The following RIMS3 variants were observed in gnomAD, a reference collection of about 807,000 sequenced individuals.
RIMS3 encodes regulating synaptic membrane exocytosis protein 3.
A neutral mutation model predicts 29.2 loss-of-function variants in RIMS3; 15 were observed. The observed-to-expected ratio is 0.51, with a 90% CI of 0.34 to 0.79. The LOEUF is 0.79. RIMS3 is among the 30% of genes least tolerant of loss of function. The probability of loss-of-function intolerance (pLI) is 0.01; values close to 1 mark genes in which losing one functional copy is unlikely to be tolerated. For missense variants in RIMS3, 342 were observed against 421.4 expected (o/e 0.81, Z 1.65); for synonymous variants, 161 against 170.1 (o/e 0.95, Z 0.41).
chr1:40,651,523 G>A (rs1485881296), intron 1 of RIMS3, among the ~76,000 whole-genome samples: 2 of 152,286 alleles, frequency 1.3e-5, no homozygotes, highest in South Asian at 2.1e-4. Context: ...TGTTTGTGGC[G>A]CTTTATTGCA....
rs1646432671 is a variant in RIMS3 at position 40,623,104 on chromosome 1, G to A, written c.*3413C>T. ...AACCGGCAGTGATTCCACAGAGGAT[G>A]AGCTCTATGGGTGGCCTTTCTTGGA... is the stretch of plus-strand genomic sequence containing the variant. On this transcript the variant is annotated 3_prime_UTR_variant, in exon 8 of 8. Coordinates refer to ENST00000372684, the MANE Select transcript of RIMS3 (RefSeq NM_014747.3). 3.5e-6 allele frequency: 1 copy of A among 284,608 alleles called. No homozygotes were observed. Among genetic ancestry groups the A allele is most frequent in the Non-Finnish European group, 6.5e-6 (1 of 154,168 alleles). 17.6% of individuals were successfully genotyped at this position (284,608 alleles called of 1,614,324 possible). A position where few individuals can be genotyped will look rare whatever the true frequency, so the allele number is the denominator to read the frequency against.
intron 2 of RIMS3, 25 bp from the exon 3 acceptor site, chr1:40,641,981 G>A: frequency 2.1e-6 from 3 of 1,448,212 alleles, no homozygotes; most frequent in Non-Finnish European, 2.9e-6. Flanking sequence ...GAAACAAAAG[G>A]ATCCCACATC....
intron 1 of RIMS3, among the ~76,000 whole-genome samples, chr1:40,662,931 G>A (rs2148363732): frequency 6.6e-6 from 1 of 152,236 alleles, no homozygotes; most frequent in Middle Eastern, 3.4e-3. Context: ...CCAAGTGCCT[G>A]GTCTCTTCTC....
chr1:40,669,633 G>C (rs985199102), upstream of RIMS3: 1 of 152,242 alleles, frequency 6.6e-6, no homozygotes, highest in African/African-American at 2.4e-5. Flanking sequence ...TAGTGGGGTG[G>C]CACTTACTAA....
At chr1:40,671,359 G>T in the RIMS3 span, among the ~76,000 whole-genome samples, 1 of 152,206 alleles carries the variant, frequency 6.6e-6, no homozygotes, top group South Asian at 2.1e-4. Flanking sequence ...TGTGGCTGGA[G>T]ATACAAAACT....
rs1646440141 is a variant in RIMS3, at chr1:40,624,286, C to T, written c.*2231G>A. On this transcript the variant is annotated 3_prime_UTR_variant, in exon 8 of 8. Transcript: ENST00000372684. ...TGTGGGTCACTAACAACCCTATCAT[C>T]CCAAAGGTGTAGAGTATTTTCGCAA... 1 of 152,218 alleles carries T rather than the reference C, an allele frequency of 6.6e-6. No individual in the cohort carries two copies. Among genetic ancestry groups the T allele is most frequent in the African/African-American group, 2.4e-5 (1 of 41,446 alleles). 9.4% of individuals were successfully genotyped at this position (152,218 alleles called of 1,614,324 possible). A position where few individuals can be genotyped will look rare whatever the true frequency, so the allele number is the denominator to read the frequency against.
chr1:40,621,540 C>T lies in RIMS3; in HGVS notation c.*4977G>A, dbSNP rs1342957959. ...AGACAGGAACCAGGTGCACCAGGCT[C>T]GCAACCCTCATGTGCTCCAGATCAG... On this transcript the variant is annotated 3_prime_UTR_variant, in exon 8 of 8. Coordinates refer to ENST00000372684, the MANE Select transcript of RIMS3 (RefSeq NM_014747.3). 1.3e-5 allele frequency: 2 copies of T among 152,130 alleles called. No individual in the cohort carries two copies. Among genetic ancestry groups the T allele is most frequent in the Non-Finnish European group, 2.9e-5 (2 of 68,038 alleles). The allele number at this position is 152,130 out of a possible 1,614,324, so 9.4% of individuals were successfully genotyped here.
chr1:40,667,731 T>C (rs577414685), upstream of RIMS3, among the ~76,000 whole-genome samples: 36 of 152,356 alleles, frequency 2.4e-4, no homozygotes, highest in Middle Eastern at 3.4e-3. Flanking sequence ...AAAGTCAATG[T>C]ATTTAAAGCA....
intron 6 of RIMS3, 36 bp downstream of exon 6, chr1:40,629,235 C>T (rs1226140734): frequency 6.4e-7 from 1 of 1,552,740 alleles, no homozygotes; most frequent in Non-Finnish European, 8.9e-7. Flanking sequence ...GCTCTATGCC[C>T]CTCCCTGTCA....
chr1:40,655,497 G>C (rs1324777480), intron 1 of RIMS3, among the ~76,000 whole-genome samples: 1 of 152,184 alleles, frequency 6.6e-6, no homozygotes, highest in Non-Finnish European at 1.5e-5. Flanking sequence ...ATCATGGCAG[G>C]ATCCTCCAAA....
At chr1:40,655,016 C>T (rs1186490868) in intron 1 of RIMS3, among the ~76,000 whole-genome samples, 1 of 152,196 alleles carries the variant, frequency 6.6e-6, no homozygotes, top group African/African-American at 2.4e-5. Context: ...GACTTCCCTC[C>T]CTCCTTGCCA....
upstream of RIMS3, among the ~76,000 whole-genome samples, chr1:40,667,640 G>T (rs1049799079): frequency 5.3e-5 from 8 of 152,122 alleles, no homozygotes; most frequent in Admixed American, 2.0e-4. Context: ...GTATATAGAA[G>T]AATAAACATA....
chr1:40,627,684 C>A (rs1188223057), intron 7 of RIMS3, among the ~76,000 whole-genome samples: 2 of 152,138 alleles, frequency 1.3e-5, no homozygotes, highest in Non-Finnish European at 2.9e-5. Flanking sequence ...TCACTGCAGC[C>A]TTGACCTCCT....
At position 40,635,732 on chromosome 1, in the gene RIMS3, A is replaced by G. The variant is rs1401195836; in HGVS notation, c.359+184T>C. Among the ~76,000 whole-genome samples, 2 of 152,362 alleles carry G rather than the reference A, an allele frequency of 1.3e-5. No individual in the cohort carries two copies. Among genetic ancestry groups the G allele is most frequent in the South Asian group, 4.1e-4 (2 of 4,830 alleles). On this transcript the variant is annotated intron_variant, in intron 4 of 7. Transcript: ENST00000372684. This position sits in a 1 kb window ranked among gnomAD's most constrained non-coding sequence, Gnocchi z 4.1. ...GGTATCTGGATATTCCAATGGGAGCAATGGAAGACCTGAGGTCCAGGCACA... is the reference window on the plus strand; with the variant it reads ...GGTATCTGGATATTCCAATGGGAGCGATGGAAGACCTGAGGTCCAGGCACA...
At chr1:40,691,469 G>A in the RIMS3 span, 4 of 293,966 alleles carry the variant, frequency 1.4e-5, no homozygotes, top group African/African-American at 4.6e-5. Flanking sequence ...GGATAGGCAG[G>A]GTGGTGGAGG....
At chr1:40,686,249 T>G in the RIMS3 span, among the ~76,000 whole-genome samples, 44 of 152,276 alleles carry the variant, frequency 2.9e-4, no homozygotes, top group African/African-American at 1.0e-3. Flanking sequence ...ATGTGCCACT[T>G]GTAATTCGAA....
At chr1:40,668,493 G>A (rs1450271316), upstream of RIMS3, among the ~76,000 whole-genome samples, 1 of 8,906 alleles carries the variant, frequency 1.1e-4, no homozygotes, top group Non-Finnish European at 2.8e-4. Context: ...GTTGTGGGCG[G>A]GGGGGGGGGG....
At chr1:40,670,574 T>TTTTATATATATATATATA (rs1453530876), upstream of RIMS3, among the ~76,000 whole-genome samples, 1 of 71,190 alleles carries the variant, frequency 1.4e-5, no homozygotes, top group African/African-American at 6.9e-5. Context: ...AGTTATAATT[T>TTTTATATATATATATATA]TATATATATA....
At chr1:40,663,169 C>A (rs1243835859) in intron 1 of RIMS3, among the ~76,000 whole-genome samples, 1 of 152,170 alleles carries the variant, frequency 6.6e-6, no homozygotes, top group Non-Finnish European at 1.5e-5. Flanking sequence ...GGGAGAAACA[C>A]CCCCATCGTC....
Sources: gnomAD v4.1 joint callset for allele counts (sites outside exome capture counted in the v4.1 genomes callset) on GRCh38, gnomAD v4.1.1 for gene constraint, Gnocchi (gnomAD v3.1) non-coding constraint, MANE v1.5 for transcripts, NCBI Gene and HGNC (gene_info 2026-07-23, HGNC 2026-07-21) for gene names.